ERN1: variants seen among roughly 807,000 people sequenced by gnomAD.
ERN1 encodes the protein endoplasmic reticulum to nucleus signaling 1.
In ERN1, 39 loss-of-function variants were observed where a neutral mutation model predicts 113.1. That is an observed-to-expected ratio of 0.34 (90% CI 0.27 to 0.45). The LOEUF (loss-of-function observed/expected upper bound fraction) is 0.45, where lower values mean the gene tolerates loss of function less well. ERN1 is among the 20% of genes least tolerant of loss of function. The probability of loss-of-function intolerance (pLI) is 1.00; values close to 1 mark genes in which losing one functional copy is unlikely to be tolerated. For missense variants in ERN1, 976 were observed against 1,274.8 expected, an observed-to-expected ratio of 0.77 and a Z score of 3.57; for synonymous variants, 507 against 515.9, an observed-to-expected ratio of 0.98 and a Z score of 0.23.
At position 64,054,444 on chromosome 17, in the gene ERN1, G is replaced by A. The variant is rs760501140; in HGVS notation, c.1764-5C>T. ...TCGCGGTTGTCAAACATGCCCCTGC[G>A]GGATGAGGAGTGGGAGTTGTGTCTG... On this transcript the variant is annotated splice_polypyrimidine_tract_variant and splice_region_variant and intron_variant, in intron 14 of 21. Coordinates refer to ENST00000433197, the MANE Select transcript of ERN1 (RefSeq NM_001433.5). This position sits in a 1 kb window ranked among gnomAD's most constrained non-coding sequence, Gnocchi z 4.9. 21 of 1,553,316 alleles carry A rather than the reference G, an allele frequency of 1.4e-5. 1 individual carries two copies. The highest frequency in any genetic ancestry group is 4.7e-5 in the South Asian group (4 of 84,296).
In ERN1 at chr17:64,081,699, T is replaced by C. The variant is rs78562230; in HGVS notation, c.176-891A>G. On this transcript the variant is annotated intron_variant, in intron 2 of 21. Coordinates refer to ENST00000433197, the MANE Select transcript of ERN1 (RefSeq NM_001433.5). ...CCCCAACCTTTTCTATATCTTAAAA[T>C]TTCTGCAAGAGCAGGCATTACTTTT... is the stretch of plus-strand genomic sequence containing the variant. Among the ~76,000 whole-genome samples, 290 of 152,368 alleles carry C rather than the reference T, an allele frequency of 1.9e-3. 1 individual carries two copies. Among genetic ancestry groups the C allele is most frequent in the African/African-American group, 6.4e-3 (267 of 41,582 alleles).
At chr17:64,105,493 T>A (rs1268463227) in intron 1 of ERN1, among the ~76,000 whole-genome samples, 2 of 152,220 alleles carry the variant, frequency 1.3e-5, no homozygotes, top group Non-Finnish European at 2.9e-5. Context: ...GAAGTTTATA[T>A]AATCATCTGG....
rs766487110 is a variant in ERN1 at position 64,066,813 on chromosome 17, G to A, written c.700C>T (p.Arg234Trp). The A allele has an allele frequency of 2.5e-6, 4 of 1,613,882 alleles. No homozygotes were observed. Among genetic ancestry groups the A allele is most frequent in the East Asian group, 2.2e-5 (1 of 44,878 alleles). Reference sequence around the variant, plus strand: ...TGCATCACCTTCCTCAGACCCTCCCGCTGCCAGACATAAAAGGCCACCACA... The same window carrying A: ...TGCATCACCTTCCTCAGACCCTCCCACTGCCAGACATAAAAGGCCACCACA... ...SPVVAFYVWQ[R>W]EGLRKVMHIN... The change falls in exon 8 of 22, where the codon CGG becomes TGG. Residue 234 changes from arginine to tryptophan, a missense_variant. This residue lies in a region of ERN1 where 459 missense variants were observed against 581.2 expected (regional missense o/e 0.79). Transcript: ENST00000433197.
At position 64,063,089 on chromosome 17, in the gene ERN1, C is replaced by T. The variant is rs987592761; in HGVS notation, c.1087+897G>A. 2.0e-5 allele frequency among the ~76,000 whole-genome samples: 3 copies of T among 152,244 alleles called. No homozygotes were observed. Among genetic ancestry groups the T allele is most frequent in the Non-Finnish European group, 4.4e-5 (3 of 68,038 alleles). On this transcript the variant is annotated intron_variant, in intron 10 of 21. Transcript: ENST00000433197. This position sits in a 1 kb window ranked among gnomAD's most constrained non-coding sequence, Gnocchi z 5.1. ...GCCCCAGCCCTGACCTCTTTCTCCC[C>T]TAGTACCTGTCACCAGCAAGCACGA...
chr17:64,107,407 G>A (rs573960638), intron 1 of ERN1, among the ~76,000 whole-genome samples: 13 of 152,140 alleles, frequency 8.5e-5, no homozygotes, highest in African/African-American at 1.9e-4. Context: ...CTGCAGCCTC[G>A]ACCTCCTGGG....
At chr17:64,120,267 T>A (rs1914921605) in intron 1 of ERN1, among the ~76,000 whole-genome samples, 1 of 152,120 alleles carries the variant, frequency 6.6e-6, no homozygotes, top group Non-Finnish European at 1.5e-5. Context: ...TAGTGGCCCC[T>A]CAGGAGTCAT....
In ERN1 at chr17:64,054,227, C is replaced by CA. The variant is rs1951979555; in HGVS notation, c.1953+22dup. 8.2e-6 allele frequency: 13 copies of CA among 1,581,924 alleles called. No individual in the cohort carries two copies. The highest frequency in any genetic ancestry group is 1.1e-5 in the Non-Finnish European group (13 of 1,162,066). On this transcript the variant is annotated intron_variant, in intron 15 of 21. Coordinates refer to ENST00000433197, the MANE Select transcript of ERN1 (RefSeq NM_001433.5). The surrounding 1 kb of genome is among the most constrained non-coding windows in gnomAD (Gnocchi z 4.9). ...AGTGCTATGACTTTAATAAAGTTAA[C>CA]AAAATAAAAAAAATAAATCCACCTC... is the stretch of plus-strand genomic sequence containing the variant.
At chr17:64,080,918 T>C (rs196951) in intron 2 of ERN1, 110 bp from the exon 3 acceptor site, 756,981 of 1,063,106 alleles carry the variant, frequency 0.71, 280,740 homozygotes, top group Non-Finnish European at 0.76. Flanking sequence ...TTCTCCCTCC[T>C]GTTAACCTAC....
chr17:64,111,860 T>A lies in ERN1; in HGVS notation c.55-13619A>T, dbSNP rs751422134. Among the ~76,000 whole-genome samples, 15 of 152,262 alleles carry A rather than the reference T, an allele frequency of 9.9e-5. 1 individual carries two copies. The highest frequency in any genetic ancestry group is 5.9e-5 in the Non-Finnish European group (4 of 68,030). The stretch of plus-strand genomic sequence containing the variant: ...GTTATACAAATATTAAGGGAGACTA[T>A]TTAATTTAAAAAAAAATTGGTGGCA... On this transcript the variant is annotated intron_variant, in intron 1 of 21. Coordinates refer to ENST00000433197, the MANE Select transcript of ERN1 (RefSeq NM_001433.5).
intron 1 of ERN1, among the ~76,000 whole-genome samples, chr17:64,115,835 G>A (rs1914789633): frequency 1.3e-5 from 2 of 152,296 alleles, no homozygotes; most frequent in South Asian, 2.1e-4. Flanking sequence ...GAAGCCTGAG[G>A]TGGATGGTGG....
intron 6 of ERN1, among the ~76,000 whole-genome samples, 156 bp downstream of exon 6, chr17:64,071,825 G>A (rs1193108956): frequency 6.6e-6 from 1 of 152,154 alleles, no homozygotes; most frequent in Non-Finnish European, 1.5e-5. Flanking sequence ...TTGCACACTG[G>A]GGGGACACTG....
At chr17:64,062,294 G>A (rs543829634) in intron 10 of ERN1, among the ~76,000 whole-genome samples, 1 of 152,354 alleles carries the variant, frequency 6.6e-6, no homozygotes, top group Admixed American at 6.5e-5. Context: ...AAGCTAATTG[G>A]ATCCTTGTAT....
rs1259596289 is a variant in ERN1 at position 64,041,802 on chromosome 17, C to G, written c.*2186G>C. ...TTGTTCATCGCTGTATCTCCGGCAC[C>G]CTATATCCTGCCTAGCTCAATACAC... On this transcript the variant is annotated 3_prime_UTR_variant, in exon 22 of 22. Transcript: ENST00000433197. The G allele has an allele frequency of 2.6e-5, 4 of 152,206 alleles. No homozygotes were observed. The highest frequency in any genetic ancestry group is 9.7e-5 in the African/African-American group (4 of 41,426). 9.4% of individuals were successfully genotyped at this position (152,206 alleles called of 1,614,324 possible). A position where few individuals can be genotyped will look rare whatever the true frequency, so the allele number is the denominator to read the frequency against.
chr17:64,097,348 T>C (rs1914257572), intron 2 of ERN1, among the ~76,000 whole-genome samples: 1 of 152,210 alleles, frequency 6.6e-6, no homozygotes, highest in Non-Finnish European at 1.5e-5. Context: ...AGGAAAAACA[T>C]TGGCTGTGCT....
chr17:64,089,512 A>C (rs73330166), intron 2 of ERN1, among the ~76,000 whole-genome samples: 1 of 152,064 alleles, frequency 6.6e-6, no homozygotes, highest in Non-Finnish European at 1.5e-5. Context: ...AATATAATGC[A>C]AATATTCCAA....
intron 2 of ERN1, among the ~76,000 whole-genome samples, chr17:64,090,391 C>A (rs866380155): frequency 6.6e-6 from 1 of 152,156 alleles, no homozygotes; most frequent in Non-Finnish European, 1.5e-5. Context: ...TCTACTTTGG[C>A]AGAAGTAACT....
intron 4 of ERN1, among the ~76,000 whole-genome samples, chr17:64,077,021 A>T (rs1167451774): frequency 1.3e-5 from 2 of 152,196 alleles, no homozygotes; most frequent in Non-Finnish European, 2.9e-5. Context: ...CCAATGAGAT[A>T]ACTTATACAA....
chr17:64,069,841 T>G (rs1309507195), intron 6 of ERN1, among the ~76,000 whole-genome samples: 1 of 152,080 alleles, frequency 6.6e-6, no homozygotes, highest in Non-Finnish European at 1.5e-5. Context: ...AGGTGAGATT[T>G]TGGGACTGAT....
At chr17:64,082,895 G>A (rs1045270088) in intron 2 of ERN1, among the ~76,000 whole-genome samples, 1 of 152,012 alleles carries the variant, frequency 6.6e-6, no homozygotes, top group Non-Finnish European at 1.5e-5. Flanking sequence ...CAGTAGGAGG[G>A]CCTTATGGTT....
Sources: gnomAD v4.1 joint callset for allele counts (sites outside exome capture counted in the v4.1 genomes callset) on GRCh38, gnomAD v4.1.1 for gene constraint, gnomAD v4.1.1 regional missense constraint, Gnocchi (gnomAD v3.1) non-coding constraint, MANE v1.5 for transcripts, NCBI Gene and HGNC (gene_info 2026-07-23, HGNC 2026-07-21) for gene names.